DIP2A: variants seen among roughly 807,000 people sequenced by gnomAD.
The protein encoded by DIP2A is disco-interacting protein 2 homolog A.
A neutral mutation model predicts 177.4 loss-of-function variants in DIP2A; 85 were observed. The observed-to-expected ratio is 0.48, with a 90% confidence interval of 0.40 to 0.57. DIP2A has a LOEUF of 0.57. Among genes scored for constraint, DIP2A ranks in the 20% least tolerant of loss-of-function variants. The pLI is 0.00. For missense variants in DIP2A, 1,791 were observed against 2,100.2 expected (o/e 0.85, Z 2.88); for synonymous variants, 886 against 881.8 (o/e 1.00, Z -0.08).
intron 9 of DIP2A, among the ~76,000 whole-genome samples, chr21:46,529,557 C>T (rs377121743): frequency 1.3e-4 from 19 of 150,972 alleles, no homozygotes; most frequent in South Asian, 4.2e-4. Context: ...GCCAAGATCT[C>T]GCCACTGCAC....
chr21:46,489,517 G>A (rs2056886637), intron 2 of DIP2A, among the ~76,000 whole-genome samples: 1 of 152,140 alleles, frequency 6.6e-6, no homozygotes, highest in Non-Finnish European at 1.5e-5. Flanking sequence ...GGTGTGTGGT[G>A]TTGCACAGAG....
chr21:46,499,859 C>G (rs1470628118), intron 5 of DIP2A, among the ~76,000 whole-genome samples: 3 of 152,208 alleles, frequency 2.0e-5, no homozygotes, highest in Non-Finnish European at 4.4e-5. Flanking sequence ...TGCTTGAGAT[C>G]AGACAGCAGC....
chr21:46,528,435 C>T (rs1451369436), intron 8 of DIP2A, among the ~76,000 whole-genome samples: 2 of 143,474 alleles, frequency 1.4e-5, no homozygotes, highest in African/African-American at 2.6e-5. Context: ...ATTTTACAGG[C>T]ATGTATACGT....
At chr21:46,541,080 TC>T (rs2059797701) in intron 17 of DIP2A, among the ~76,000 whole-genome samples, 1 of 152,094 alleles carries the variant, frequency 6.6e-6, no homozygotes, top group Admixed American at 6.5e-5. Flanking sequence ...GCTATTGTCG[TC>T]TACAAACTAT....
At chr21:46,541,984 T>G (rs2059839284) in intron 18 of DIP2A, 89 bp downstream of exon 18, 2 of 1,531,328 alleles carry the variant, frequency 1.3e-6, no homozygotes, top group Admixed American at 1.7e-5. Flanking sequence ...GAGTCTTGCT[T>G]TGTCACCAGG....
At chr21:46,542,149 G>A (rs181166408) in intron 18 of DIP2A, among the ~76,000 whole-genome samples, 46 of 152,294 alleles carry the variant, frequency 3.0e-4, no homozygotes, top group Non-Finnish European at 6.2e-4. Flanking sequence ...ATGTTTTTCA[G>A]TGTAAATTGG....
At chr21:46,554,403 C>A in intron 26 of DIP2A, 111 bp downstream of exon 26, 1 of 1,555,716 alleles carries the variant, frequency 6.4e-7, no homozygotes. Context: ...TAAGCTCAGC[C>A]CCTCCTCTCT....
the DIP2A span, among the ~76,000 whole-genome samples, chr21:46,577,623 T>C: frequency 6.6e-6 from 1 of 152,180 alleles, no homozygotes; most frequent in Non-Finnish European, 1.5e-5. Context: ...GGCTTTTTTT[T>C]GGTATCATAT....
At chr21:46,490,976 C>G (rs1055303104) in intron 3 of DIP2A, among the ~76,000 whole-genome samples, 1 of 152,190 alleles carries the variant, frequency 6.6e-6, no homozygotes, top group African/African-American at 2.4e-5. Flanking sequence ...CTAGAGAAGT[C>G]TTCTTCTCAC....
chr21:46,474,427 T>G (rs1041437787), intron 1 of DIP2A, among the ~76,000 whole-genome samples: 1 of 150,048 alleles, frequency 6.7e-6, no homozygotes, highest in South Asian at 2.1e-4. Flanking sequence ...GAAAAAACTC[T>G]GAGGAACCCA....
intron 20 of DIP2A, 142 bp from the exon 21 acceptor site, chr21:46,546,773 G>T: frequency 5.9e-6 from 5 of 842,924 alleles, no homozygotes; most frequent in Non-Finnish European, 8.9e-6. Flanking sequence ...GTTGCAGATT[G>T]GGTCTGTGGG....
chr21:46,464,155 A>C (rs1030003203), intron 1 of DIP2A, among the ~76,000 whole-genome samples: 1 of 151,554 alleles, frequency 6.6e-6, no homozygotes, highest in African/African-American at 2.4e-5. Flanking sequence ...GCACTTTGGG[A>C]GGCTGAGGCG....
intron 6 of DIP2A, among the ~76,000 whole-genome samples, chr21:46,505,602 C>G (rs183645786): frequency 6.6e-6 from 1 of 152,096 alleles, no homozygotes; most frequent in African/African-American, 2.4e-5. Context: ...GAGTGAGACT[C>G]CTTTCTCAAA....
chr21:46,459,170 G>A lies in DIP2A; in HGVS notation c.39G>A (p.Leu13=), dbSNP rs955540547. The A allele has an allele frequency of 4.6e-6, 7 of 1,521,152 alleles. No individual in the cohort carries two copies. In the African/African-American group the frequency reaches 7.2e-5, roughly 16 times the overall value. 94.2% of individuals were successfully genotyped at this position (1,521,152 alleles called of 1,614,324 possible). The change falls in exon 1 of 38, where the codon CTG becomes CTA. Residue 13 remains leucine (L), a synonymous_variant. Transcript: ENST00000417564. ...DRGCPLEAAP[L]PAEVRESLAE... ...GGTGCCCGCTGGAGGCGGCGCCGCT[G>A]CCTGCCGAGGTGCGGGAGAGCCTGG...
intron 26 of DIP2A, 60 bp from the exon 27 acceptor site, chr21:46,554,515 C>G (rs2060386442): frequency 6.3e-7 from 1 of 1,592,114 alleles, no homozygotes; most frequent in Non-Finnish European, 8.6e-7. Context: ...GAACAGTGAA[C>G]AGAGGCTGGT....
At chr21:46,513,920 ATTACAATTATGGAATCTTCCAGT>A (rs988686809) in intron 8 of DIP2A, among the ~76,000 whole-genome samples, 10 of 152,256 alleles carry the variant, frequency 6.6e-5, no homozygotes, top group African/African-American at 2.2e-4. Context: ...CTCAACCTGT[ATTACAATTATGGAATCTTCCAGT>A]TTATGATTGT....
chr21:46,516,432 T>A (rs2058575845), intron 8 of DIP2A, among the ~76,000 whole-genome samples: 1 of 151,416 alleles, frequency 6.6e-6, no homozygotes, highest in Non-Finnish European at 1.5e-5. Context: ...ATACTTCAAT[T>A]TGTATATTTT....
chr21:46,547,308 C>G, intron 21 of DIP2A: 1 of 926,618 alleles, frequency 1.1e-6, no homozygotes, highest in South Asian at 2.8e-5. Flanking sequence ...GGGGACAAAT[C>G]AGGGAGGGAA....
Position 46,498,666 on chromosome 21 carries a change from T to C in DIP2A, c.488T>C (p.Val163Ala). Reference sequence around the variant, plus strand: ...ACTCCGCTCCAGAGCCATTCCAGCGTCGAGCCCTGGCTCGACCGGGTCATT... The same window carrying C: ...ACTCCGCTCCAGAGCCATTCCAGCGCCGAGCCCTGGCTCGACCGGGTCATT... ...TSTPLQSHSS[V>A]EPWLDRVIQG... is the part of the protein sequence containing the mutation. The change falls in exon 5 of 38, where the codon GTC becomes GCC. Residue 163 changes from valine to alanine, a missense_variant. Physicochemically the swap from Val to Ala is moderately conservative, Grantham distance 64. Transcript: ENST00000417564. This position sits in a 1 kb window ranked among gnomAD's most constrained non-coding sequence, Gnocchi z 4.3. 6.2e-7 allele frequency: 1 copy of C among 1,613,718 alleles called. No individual in the cohort carries two copies. The highest frequency in any genetic ancestry group is 2.2e-5 in the East Asian group (1 of 44,856).
Sources: allele counts gnomAD v4.1 joint callset (sites outside exome capture counted in the v4.1 genomes callset), GRCh38; gene constraint gnomAD v4.1.1; non-coding constraint Gnocchi (gnomAD v3.1); transcripts MANE v1.5; gene names NCBI Gene and HGNC (gene_info 2026-07-23, HGNC 2026-07-21).